The following RAI1 variants were observed in gnomAD, a reference collection of about 807,000 sequenced individuals.
RAI1 encodes retinoic acid induced 1, also known as retinoic acid-induced protein 1.
RAI1 carries 9 observed loss-of-function variants against 123.8 expected under a neutral mutation model. That is an observed-to-expected ratio of 0.07 (90% CI 0.04 to 0.13). The LOEUF (loss-of-function observed/expected upper bound fraction) is 0.13. Ranked by LOEUF, RAI1 falls within the 10% of genes least tolerant of loss-of-function variation. The probability of loss-of-function intolerance (pLI) is 1.00; values close to 1 mark genes in which losing one functional copy is unlikely to be tolerated. For synonymous variants in RAI1, 1,231 were observed against 1,127.3 expected (o/e 1.09, Z -1.84); for missense variants, 2,256 against 2,545.8 (o/e 0.89, Z 2.45).
chr17:17,750,411 A>G (rs1009835256), intron 2 of RAI1, among the ~76,000 whole-genome samples: 40 of 152,306 alleles, frequency 2.6e-4, no homozygotes, highest in Non-Finnish European at 5.4e-4. Flanking sequence ...TGACATGTTA[A>G]GGGGAAAATA....
At position 17,811,403 on chromosome 17, in the gene RAI1, G is replaced by GAAA. The variant is rs34061744; in HGVS notation, c.*1438_*1440dup. ...GAGTAAAAAACAGTCATTGCATTCA[G>GAAA]AAAAAAAAAAAAAAAAAAGTCAATA... On this transcript the variant is annotated 3_prime_UTR_variant, in exon 6 of 6. Coordinates refer to ENST00000353383, the MANE Select transcript of RAI1 (RefSeq NM_030665.4). 3.3e-3 allele frequency: 536 copies of GAAA among 163,250 alleles called. No homozygotes were observed. Among genetic ancestry groups the GAAA allele is most frequent in the South Asian group, 5.3e-3 (64 of 11,966 alleles). 10.1% of individuals were successfully genotyped at this position (163,250 alleles called of 1,614,324 possible).
chr17:17,809,545 G>A lies in RAI1; in HGVS notation c.5709+106G>A. 2 of 1,258,614 alleles carry A rather than the reference G, an allele frequency of 1.6e-6. No individual in the cohort carries two copies. The highest frequency in any genetic ancestry group is 1.5e-5 in the African/African-American group (1 of 67,828). 78.0% of individuals were successfully genotyped at this position (1,258,614 alleles called of 1,614,324 possible). A position where few individuals can be genotyped will look rare whatever the true frequency, so the allele number is the denominator to read the frequency against. On this transcript the variant is annotated intron_variant, in intron 5 of 5. Coordinates refer to ENST00000353383, the MANE Select transcript of RAI1 (RefSeq NM_030665.4). This position sits in a 1 kb window ranked among gnomAD's most constrained non-coding sequence, Gnocchi z 4.9. The stretch of plus-strand genomic sequence containing the variant: ...TGGGCCCCCTTGGCTGCGCAGCCCC[G>A]CAGGGCCCAGCCCTAGGGGAGGGAG...
At chr17:17,762,810 G>A (rs929572226) in intron 2 of RAI1, among the ~76,000 whole-genome samples, 7 of 151,810 alleles carry the variant, frequency 4.6e-5, no homozygotes, top group African/African-American at 1.5e-4. Context: ...TCATGCACCC[G>A]CCTCCCCCTC....
intron 1 of RAI1, among the ~76,000 whole-genome samples, chr17:17,702,347 A>G (rs1484545139): frequency 6.6e-6 from 1 of 152,318 alleles, no homozygotes; most frequent in South Asian, 2.1e-4. Flanking sequence ...CACCCACCTC[A>G]TCCCAGGATG....
intron 1 of RAI1, among the ~76,000 whole-genome samples, chr17:17,720,105 T>C (rs1915832270): frequency 6.6e-6 from 1 of 152,196 alleles, no homozygotes; most frequent in Non-Finnish European, 1.5e-5. Flanking sequence ...CTGGCTCCAC[T>C]GCCTGCATTC....
intron 1 of RAI1, among the ~76,000 whole-genome samples, chr17:17,719,792 A>G (rs909867271): frequency 8.5e-5 from 13 of 152,182 alleles, no homozygotes; most frequent in Non-Finnish European, 1.9e-4. Context: ...GACTGGGAGC[A>G]AGTGCATTTC....
At chr17:17,807,464 T>C (rs1022294390) in intron 4 of RAI1, among the ~76,000 whole-genome samples, 6 of 152,212 alleles carry the variant, frequency 3.9e-5, no homozygotes, top group Non-Finnish European at 8.8e-5. Context: ...GGAACCCACT[T>C]TGGAGACAAG....
intron 2 of RAI1, among the ~76,000 whole-genome samples, chr17:17,729,171 T>C (rs1221950697): frequency 6.6e-6 from 1 of 152,190 alleles, no homozygotes; most frequent in Non-Finnish European, 1.5e-5. Flanking sequence ...CCCGTGAGGC[T>C]CAAGACACTG....
intron 2 of RAI1, among the ~76,000 whole-genome samples, chr17:17,733,533 G>A (rs1326699689): frequency 1.3e-5 from 2 of 152,154 alleles, no homozygotes; most frequent in African/African-American, 4.8e-5. Flanking sequence ...GCACCATTGT[G>A]GGTGCTTTTA....
intron 1 of RAI1, among the ~76,000 whole-genome samples, chr17:17,699,664 A>G (rs1915150653): frequency 6.6e-6 from 1 of 151,962 alleles, no homozygotes; most frequent in South Asian, 2.1e-4. Flanking sequence ...GCCAGTGAGT[A>G]ATCGTTGAGT....
chr17:17,726,725 G>T (rs1916102077), intron 2 of RAI1, among the ~76,000 whole-genome samples: 1 of 94,658 alleles, frequency 1.1e-5, no homozygotes, highest in East Asian at 2.4e-4. Flanking sequence ...TCACAGAAAA[G>T]CTGAAAAAAA....
At position 17,796,129 on chromosome 17, in the gene RAI1, A is replaced by T. The variant is rs727504117; in HGVS notation, c.3181A>T (p.Thr1061Ser). ...GLPRMCTRSL[T>S]ALSEPRTPGP... is the part of the protein sequence containing the mutation. ...CCCCAGGATGTGTACTCGTTCTCTC[A>T]CGGCCCTGAGTGAGCCCCGCACGCC... The change falls in exon 3 of 6, where the codon ACG (threonine) becomes TCG (serine). Residue 1061 changes from threonine (T) to serine (S), a missense_variant. Thr to Ser is a moderately conservative substitution (Grantham distance 58). Around this residue, in one of 7 missense-constraint regions of RAI1, gnomAD observed 566 missense variants for 616.0 expected, o/e 0.92. Transcript: ENST00000353383. The surrounding 1 kb of genome is among the most constrained non-coding windows in gnomAD (Gnocchi z 5.8). The T allele has an allele frequency of 5.7e-6, 9 of 1,582,456 alleles. No individual in the cohort carries two copies. The South Asian group carries it at 9.1e-5, about 16-fold the overall frequency.
chr17:17,694,564 G>A (rs1043915728), intron 1 of RAI1, among the ~76,000 whole-genome samples: 3 of 152,022 alleles, frequency 2.0e-5, no homozygotes, highest in Non-Finnish European at 4.4e-5. Context: ...CTCTCTCCCC[G>A]ACCTCGAGAA....
rs577668737 is a variant in RAI1, at chr17:17,710,228, G to C, written c.-148-13800G>C. 2.6e-5 allele frequency among the ~76,000 whole-genome samples: 4 copies of C among 152,262 alleles called. No individual in the cohort carries two copies. The East Asian group carries it at 7.7e-4, about 29-fold the overall frequency. On this transcript the variant is annotated intron_variant, in intron 1 of 5. Coordinates refer to ENST00000353383, the MANE Select transcript of RAI1 (RefSeq NM_030665.4). ...CACAGAGAATCAGAACCCAGCGGGG[G>C]CTTTAGCCACAAAAAAAGAGCATTT...
rs781638677 is a variant in RAI1 at position 17,793,058 on chromosome 17, G to A, written c.110G>A (p.Gly37Glu). The change falls in exon 3 of 6, where the codon GGG becomes GAG. Residue 37 changes from glycine to glutamate, a missense_variant. By Grantham distance (98) the Gly-to-Glu change is moderately conservative. Coordinates refer to ENST00000353383, the MANE Select transcript of RAI1 (RefSeq NM_030665.4). ...AATTACAGGCAGCCGAGTCAGGCCG[G>A]GCTAAGCTGCGACCGGCAGCGGCTG... ...LENYRQPSQA[G>E]LSCDRQRLLA... 6.2e-7 allele frequency: 1 copy of A among 1,614,186 alleles called. No homozygotes were observed. Among genetic ancestry groups the A allele is most frequent in the Admixed American group, 1.7e-5 (1 of 60,034 alleles).
chr17:17,725,782 G>T (rs952873811), intron 2 of RAI1, among the ~76,000 whole-genome samples: 2 of 152,078 alleles, frequency 1.3e-5, no homozygotes, highest in Non-Finnish European at 2.9e-5. Context: ...CACCAAGCTG[G>T]CAACCCAGGC....
At chr17:17,787,131 C>T (rs2031853298) in intron 2 of RAI1, among the ~76,000 whole-genome samples, 1 of 152,194 alleles carries the variant, frequency 6.6e-6, no homozygotes. Flanking sequence ...GCAGGCACTC[C>T]TGGGGCTTGG....
At chr17:17,742,847 G>A (rs1014094595) in intron 2 of RAI1, among the ~76,000 whole-genome samples, 11 of 152,228 alleles carry the variant, frequency 7.2e-5, no homozygotes, top group Non-Finnish European at 1.0e-4. Context: ...AGTGAGATCT[G>A]GATGTGGTTC....
At chr17:17,692,131 A>G (rs777832491) in intron 1 of RAI1, among the ~76,000 whole-genome samples, 18 of 152,156 alleles carry the variant, frequency 1.2e-4, no homozygotes, top group Non-Finnish European at 2.2e-4. Context: ...TTGGGGTGAC[A>G]CTGTCCCCTG....
Sources: allele counts gnomAD v4.1 joint callset (sites outside exome capture counted in the v4.1 genomes callset), GRCh38; gene constraint gnomAD v4.1.1; regional missense constraint gnomAD v4.1.1; non-coding constraint Gnocchi (gnomAD v3.1); transcripts MANE v1.5; gene names NCBI Gene and HGNC (gene_info 2026-07-23, HGNC 2026-07-21).